CREB3: variants seen among roughly 807,000 people sequenced by gnomAD.
CREB3 encodes cyclic AMP-responsive element-binding protein 3.
Under a neutral mutation model 34.5 loss-of-function variants are expected in CREB3, and 29 were observed. That is an observed-to-expected ratio of 0.84 (90% CI 0.63 to 1.15). The LOEUF (loss-of-function observed/expected upper bound fraction) is 1.15. Ranked by LOEUF, CREB3 falls within the 50% of genes most tolerant of loss-of-function variation. The pLI is 0.00. For synonymous variants in CREB3, 187 were observed against 173.9 expected (o/e 1.08, Z -0.59); for missense variants, 447 against 443.4 (o/e 1.01, Z -0.07).
In CREB3 at chr9:35,736,826, C is replaced by T. The variant is rs376245234; in HGVS notation, c.*100C>T. 1.9e-4 allele frequency: 211 copies of T among 1,123,350 alleles called. No homozygotes were observed. The African/African-American group carries it at 3.2e-3, about 17-fold the overall frequency. The allele number at this position is 1,123,350 out of a possible 1,614,324, so 69.6% of individuals were successfully genotyped here. A position where few individuals can be genotyped will look rare whatever the true frequency, so the allele number is the denominator to read the frequency against. ...CAAGGGCTGGCCGCAGCTCCTGTGC[C>T]CTGTCAGGACGACTGAGGGCTCAAA... is the stretch of plus-strand genomic sequence containing the variant. On this transcript the variant is annotated 3_prime_UTR_variant, in exon 9 of 9. Coordinates refer to ENST00000353704, the MANE Select transcript of CREB3 (RefSeq NM_006368.5).
intron 4 of CREB3, among the ~76,000 whole-genome samples, chr9:35,734,420 A>G (rs1186514931): frequency 1.3e-5 from 2 of 152,050 alleles, no homozygotes; most frequent in African/African-American, 2.4e-5. Context: ...GATGCAGTCT[A>G]TCCTGAGAAG....
chr9:35,733,441 GAGA>G lies in CREB3; in HGVS notation c.394_396del (p.Lys132del), dbSNP rs1430689636. ...GACAGATGAGGAGAAGAGTCTATTG[GAGA>G]AGGAGGGGCTTATTCTGCCTGAGAC... On this transcript the variant is annotated inframe_deletion, in exon 4 of 9. Coordinates refer to ENST00000353704, the MANE Select transcript of CREB3 (RefSeq NM_006368.5). 4 of 1,613,728 alleles carry G rather than the reference GAGA, an allele frequency of 2.5e-6. No individual in the cohort carries two copies. Among genetic ancestry groups the G allele is most frequent in the Admixed American group, 3.3e-5 (2 of 60,012 alleles).
rs1326244747 is a variant in CREB3 at position 35,735,115 on chromosome 9, G to A, written c.442G>A (p.Glu148Lys). The change falls in exon 5 of 9, where the codon GAA becomes AAA. Residue 148 changes from glutamate to lysine, a missense_variant. Transcript: ENST00000353704. ...PETLPLTKTEEQILKRVRRKI... is the reference protein window; with the variant it reads ...PETLPLTKTEKQILKRVRRKI... The stretch of plus-strand genomic sequence containing the variant: ...TTTCCCTGTTTCCTTTCAGACAGAG[G>A]AACAAATTCTGAAACGTGTGCGGAG... 1.0e-5 allele frequency: 16 copies of A among 1,599,670 alleles called. No individual in the cohort carries two copies. The highest frequency in any genetic ancestry group is 1.3e-5 in the Non-Finnish European group (15 of 1,176,636).
chr9:35,733,112 C>T lies in CREB3; in HGVS notation c.246C>T (p.Ser82=). 1 of 1,614,222 alleles carries T rather than the reference C, an allele frequency of 6.2e-7. No individual in the cohort carries two copies. The change falls in exon 2 of 9, where the codon TCC becomes TCT. Residue 82 remains serine (S), a synonymous_variant. Coordinates refer to ENST00000353704, the MANE Select transcript of CREB3 (RefSeq NM_006368.5). ...TTGTCCACCATGACCACACCTACTC[C>T]CTCCCACGGGAAACTGTCTCTATGG... ...PCLVHHDHTY[S]LPRETVSMDL...
Position 35,735,316 on chromosome 9 carries a change from TACAC to T in CREB3, c.555_558del (p.Tyr185Ter). ...TGTTATTTCCCCCAGGGTCTTGAAATACACAGCCCAGAATATGGAGCTTCAGAAC... is the reference window on the plus strand; with the variant it reads ...TGTTATTTCCCCCAGGGTCTTGAAATAGCCCAGAATATGGAGCTTCAGAAC... On this transcript the variant is annotated frameshift_variant, in exon 6 of 9. Transcript: ENST00000353704. LOFTEE classifies it high-confidence loss of function. 6.2e-7 allele frequency: 1 copy of T among 1,614,106 alleles called. No homozygotes were observed. Among genetic ancestry groups the T allele is most frequent in the Non-Finnish European group, 8.5e-7 (1 of 1,179,990 alleles).
In CREB3 at chr9:35,732,928, G is replaced by A. The variant is rs745595586; in HGVS notation, c.129+27G>A. 5 of 1,612,988 alleles carry A rather than the reference G, an allele frequency of 3.1e-6. No individual in the cohort carries two copies. The highest frequency in any genetic ancestry group is 3.4e-6 in the Non-Finnish European group (4 of 1,179,264). The stretch of plus-strand genomic sequence containing the variant: ...TAGGTTGGGGTTCTGACTGGGGAAA[G>A]CGTGGGATGTCCATGAAGTCAGGTG... On this transcript the variant is annotated intron_variant, in intron 1 of 8. Transcript: ENST00000353704. The surrounding 1 kb of genome is among the most constrained non-coding windows in gnomAD (Gnocchi z 5.1).
chr9:35,736,417 C>G lies in CREB3; in HGVS notation c.807C>G (p.Leu269=). ...TGTTGTCCCGCCAGCTTCGTGCCCT[C>G]CCCAGTGAGGACCCTTACCAGCTGG... The part of the protein sequence containing the change: ...HGVLSRQLRA[L]PSEDPYQLEL... Residue 269 remains leucine (L), a synonymous_variant, in exon 9 of 9, where the codon CTC becomes CTG. Transcript: ENST00000353704. 1 of 1,614,062 alleles carries G rather than the reference C, an allele frequency of 6.2e-7. No individual in the cohort carries two copies. The highest frequency in any genetic ancestry group is 8.5e-7 in the Non-Finnish European group (1 of 1,180,034).
chr9:35,732,863 G>A lies in CREB3; in HGVS notation c.91G>A (p.Val31Met). ...GDLGTAPDEA[V>M]RAPLDWALPL... ...TTTGGGGACGGCACCCGATGAGGCC[G>A]TGAGGGCCCCACTGGACTGGGCGCT... Residue 31 changes from valine (V) to methionine (M), a missense_variant, in exon 1 of 9, where the codon GTG becomes ATG. Physicochemically the swap from Val to Met is conservative, Grantham distance 21. Transcript: ENST00000353704. This position sits in a 1 kb window ranked among gnomAD's most constrained non-coding sequence, Gnocchi z 5.1. The A allele has an allele frequency of 6.2e-7, 1 of 1,614,234 alleles. No individual in the cohort carries two copies. Among genetic ancestry groups the A allele is most frequent in the Non-Finnish European group, 8.5e-7 (1 of 1,180,034 alleles).
chr9:35,733,851 C>G (rs1367766641), intron 4 of CREB3, among the ~76,000 whole-genome samples: 1 of 152,130 alleles, frequency 6.6e-6, no homozygotes, highest in Non-Finnish European at 1.5e-5. Flanking sequence ...CAGGGTTGGA[C>G]TAAGCAGTAC....
chr9:35,736,154 G>C, intron 7 of CREB3, 22 bp downstream of exon 7: 1 of 1,613,178 alleles, frequency 6.2e-7, no homozygotes, highest in South Asian at 1.1e-5. Flanking sequence ...GATGAGGGGA[G>C]AAATCCTTTT....
chr9:35,734,445 T>C (rs1462577978), intron 4 of CREB3, among the ~76,000 whole-genome samples: 2 of 152,176 alleles, frequency 1.3e-5, no homozygotes, highest in African/African-American at 4.8e-5. Flanking sequence ...GTTAAAAATT[T>C]TGTCTTTTTT....
Position 35,736,445 on chromosome 9 carries a change from C to G in CREB3, c.835C>G (p.Leu279Val), listed in dbSNP as rs1386766002. The change falls in exon 9 of 9, where the codon CTG becomes GTG. Residue 279 changes from leucine (L) to valine (V), a missense_variant. Transcript: ENST00000353704. ...CAGTGAGGACCCTTACCAGCTGGAG[C>G]TGCCTGCCCTGCAGTCAGAAGTGCC... ...LPSEDPYQLE[L>V]PALQSEVPKD... 6.2e-7 allele frequency: 1 copy of G among 1,614,130 alleles called. No homozygotes were observed. The highest frequency in any genetic ancestry group is 1.7e-5 in the Admixed American group (1 of 60,030).
chr9:35,734,421 T>C (rs896574221), intron 4 of CREB3, among the ~76,000 whole-genome samples: 22 of 152,128 alleles, frequency 1.4e-4, no homozygotes, highest in African/African-American at 4.6e-4. Flanking sequence ...ATGCAGTCTA[T>C]CCTGAGAAGA....
At position 35,734,548 on chromosome 9, in the gene CREB3, C is replaced by T. The variant is rs545280337; in HGVS notation, c.436-561C>T. Among the ~76,000 whole-genome samples, 54 of 152,042 alleles carry T rather than the reference C, an allele frequency of 3.6e-4. No homozygotes were observed. In the South Asian group the frequency reaches 4.8e-3, roughly 13 times the overall value. On this transcript the variant is annotated intron_variant, in intron 4 of 8. Transcript: ENST00000353704. ...CCCCAGAGATACTAGGTAAGTCCAA[C>T]GGATAGAAATTATAAGGAGGCAGCT... is the stretch of plus-strand genomic sequence containing the variant.
intron 5 of CREB3, 23 bp from the exon 6 acceptor site, chr9:35,735,283 C>T (rs371531715): frequency 1.2e-5 from 20 of 1,609,918 alleles, no homozygotes; most frequent in East Asian, 2.2e-5. Flanking sequence ...GCCATATCCC[C>T]GTATCTTTGT....
At chr9:35,735,284 G>A (rs745836775) in intron 5 of CREB3, 22 bp from the exon 6 acceptor site, 58 of 1,613,042 alleles carry the variant, frequency 3.6e-5, no homozygotes, top group Middle Eastern at 3.3e-4. Flanking sequence ...CCATATCCCC[G>A]TATCTTTGTT....
intron 3 of CREB3, 48 bp downstream of exon 3, chr9:35,733,330 G>A (rs369809267): frequency 1.9e-4 from 309 of 1,612,158 alleles, no homozygotes; most frequent in Non-Finnish European, 2.5e-4. Flanking sequence ...CCCCAGGTGG[G>A]GGCAGGATTC....
chr9:35,732,889 G>T lies in CREB3; in HGVS notation c.117G>T (p.Leu39=), dbSNP rs1826116117. Residue 39 remains leucine (L), a synonymous_variant, in exon 1 of 9, where the codon CTG becomes CTT. Transcript: ENST00000353704. The surrounding 1 kb of genome is among the most constrained non-coding windows in gnomAD (Gnocchi z 5.1). ...TGAGGGCCCCACTGGACTGGGCGCT[G>T]CCGCTTTCTGAGGTAGGTTGGGGTT... The part of the protein sequence containing the change: ...EAVRAPLDWA[L]PLSEVPSDWE... 1 of 1,613,696 alleles carries T rather than the reference G, an allele frequency of 6.2e-7. No homozygotes were observed. Among genetic ancestry groups the T allele is most frequent in the Non-Finnish European group, 8.5e-7 (1 of 1,179,854 alleles).
Position 35,735,188 on chromosome 9 carries a change from A to T in CREB3, c.515A>T (p.Lys172Met), listed in dbSNP as rs749213751. ...GCTCAAGAGAGCCGCAGGAAAAAGA[A>T]GGTGTATGTTGGGGGTTTAGAGAGC... ...RSAQESRRKK[K>M]VYVGGLESRV... The change falls in exon 5 of 9, where the codon AAG becomes ATG. Residue 172 changes from lysine to methionine, a missense_variant. Transcript: ENST00000353704. 1 of 1,603,808 alleles carries T rather than the reference A, an allele frequency of 6.2e-7. No individual in the cohort carries two copies. The highest frequency in any genetic ancestry group is 8.5e-7 in the Non-Finnish European group (1 of 1,177,572).
Sources: gnomAD v4.1 joint callset for allele counts (sites outside exome capture counted in the v4.1 genomes callset) on GRCh38, gnomAD v4.1.1 for gene constraint, Gnocchi (gnomAD v3.1) non-coding constraint, MANE v1.5 for transcripts, NCBI Gene and HGNC (gene_info 2026-07-23, HGNC 2026-07-21) for gene names.